CDH4: variants seen among roughly 807,000 people sequenced by gnomAD.
CDH4 encodes the protein cadherin-4.
CDH4 carries 33 observed loss-of-function variants against 86.0 expected under a neutral mutation model. The observed-to-expected ratio is 0.38, with a 90% confidence interval of 0.29 to 0.51. The LOEUF is 0.51. Ranked by LOEUF, CDH4 falls within the 20% of genes least tolerant of loss-of-function variation. The probability of loss-of-function intolerance (pLI) is 0.86; values close to 1 mark genes in which losing one functional copy is unlikely to be tolerated. For synonymous variants in CDH4, 555 were observed against 549.4 expected, an observed-to-expected ratio of 1.01 and a Z score of -0.14; for missense variants, 1,114 against 1,307.4, an observed-to-expected ratio of 0.85 and a Z score of 2.28.
intron 2 of CDH4, among the ~76,000 whole-genome samples, chr20:61,473,030 GA>G (rs2085514533): frequency 6.6e-6 from 1 of 152,130 alleles, no homozygotes; most frequent in Non-Finnish European, 1.5e-5. Flanking sequence ...GAGGGGAGGG[GA>G]TTGAGCCCTG....
In CDH4 at chr20:61,811,021, C is replaced by T. The variant is rs528817140; in HGVS notation, c.577-33647C>T. Among the ~76,000 whole-genome samples, 2 of 152,242 alleles carry T rather than the reference C, an allele frequency of 1.3e-5. No homozygotes were observed. The highest frequency in any genetic ancestry group is 4.8e-5 in the African/African-American group (2 of 41,472). On this transcript the variant is annotated intron_variant, in intron 4 of 15. Transcript: ENST00000614565. This position sits in a 1 kb window ranked among gnomAD's most constrained non-coding sequence, Gnocchi z 4.4. ...TCAGTCAAACGAACTCATGGCTCTT[C>T]ATCCCCTGCAAAACTAATGGCGCGG...
At chr20:61,860,296 G>A (rs1983261217) in intron 6 of CDH4, among the ~76,000 whole-genome samples, 1 of 152,196 alleles carries the variant, frequency 6.6e-6, no homozygotes, top group South Asian at 2.1e-4. Flanking sequence ...GAGCACCGAG[G>A]TCCACGGGGT....
At chr20:61,928,883 C>CAACA (rs2055075067) in intron 12 of CDH4, among the ~76,000 whole-genome samples, 1 of 152,204 alleles carries the variant, frequency 6.6e-6, no homozygotes, top group Non-Finnish European at 1.5e-5. Context: ...CAAACCCCAC[C>CAACA]AACACTGAAC....
rs201803800 is a variant in CDH4, at chr20:61,499,965, C to T, written c.170-243598C>T. On this transcript the variant is annotated intron_variant, in intron 2 of 15. Coordinates refer to ENST00000614565, the MANE Select transcript of CDH4 (RefSeq NM_001794.5). Reference sequence around the variant, plus strand: ...ATGCAAAGCACCCAGGAGGCACGGGCGCAGCTTACATGTCCCTGAGTCATG... The same window carrying T: ...ATGCAAAGCACCCAGGAGGCACGGGTGCAGCTTACATGTCCCTGAGTCATG... 1.3e-4 allele frequency among the ~76,000 whole-genome samples: 20 copies of T among 152,258 alleles called. No individual in the cohort carries two copies. The East Asian group carries it at 2.5e-3, about 19-fold the overall frequency.
At chr20:61,308,184 G>A (rs1057372812) in intron 2 of CDH4, among the ~76,000 whole-genome samples, 3 of 152,224 alleles carry the variant, frequency 2.0e-5, no homozygotes, top group African/African-American at 7.2e-5. Flanking sequence ...CCCCACGTGA[G>A]CCTCTTGGTT....
chr20:61,339,163 A>C (rs2084636133), intron 2 of CDH4, among the ~76,000 whole-genome samples: 1 of 152,234 alleles, frequency 6.6e-6, no homozygotes, highest in African/African-American at 2.4e-5. Context: ...TGATGTTTAA[A>C]AACATCCCCA....
At chr20:61,593,564 A>G (rs2086532877) in intron 2 of CDH4, among the ~76,000 whole-genome samples, 1 of 152,226 alleles carries the variant, frequency 6.6e-6, no homozygotes, top group South Asian at 2.1e-4. Flanking sequence ...CAGCAGTGTC[A>G]CATTGTGATT....
intron 4 of CDH4, among the ~76,000 whole-genome samples, chr20:61,808,431 C>T (rs1348742820): frequency 6.6e-6 from 1 of 152,176 alleles, no homozygotes; most frequent in Non-Finnish European, 1.5e-5. Context: ...GCCCTGCAGT[C>T]GGTGGGGAAA....
chr20:61,400,632 C>T (rs2085044306), intron 2 of CDH4, among the ~76,000 whole-genome samples: 1 of 152,214 alleles, frequency 6.6e-6, no homozygotes, highest in South Asian at 2.1e-4. Context: ...CCATCGGGAA[C>T]ACATAGGCTC....
chr20:61,877,360 A>AC, intron 7 of CDH4, among the ~76,000 whole-genome samples: 1 of 56,186 alleles, frequency 1.8e-5, no homozygotes. Context: ...AGCGGTACCC[A>AC]CCCCCCACCC....
intron 2 of CDH4, among the ~76,000 whole-genome samples, chr20:61,478,685 C>G (rs2085552874): frequency 6.6e-6 from 1 of 152,220 alleles, no homozygotes; most frequent in South Asian, 2.1e-4. Context: ...CGGCGTGTAG[C>G]AGACATAACA....
chr20:61,274,026 C>CAT (rs34358640), intron 2 of CDH4, among the ~76,000 whole-genome samples: 1 of 84,312 alleles, frequency 1.2e-5, no homozygotes. Flanking sequence ...GGGGGAGTAC[C>CAT]GTGTGCAGTT....
intron 2 of CDH4, among the ~76,000 whole-genome samples, chr20:61,311,168 C>T (rs545167991): frequency 2.0e-5 from 3 of 152,148 alleles, no homozygotes; most frequent in African/African-American, 7.2e-5. Context: ...GTGGATCAAA[C>T]GTTTAAAATT....
chr20:61,298,862 T>C (rs2084371302), intron 2 of CDH4, among the ~76,000 whole-genome samples: 1 of 151,830 alleles, frequency 6.6e-6, no homozygotes, highest in Non-Finnish European at 1.5e-5. Flanking sequence ...AGTGTGTCTG[T>C]GTATGCGGTA....
At chr20:61,775,526 G>A (rs2088829522) in intron 4 of CDH4, among the ~76,000 whole-genome samples, 2 of 152,214 alleles carry the variant, frequency 1.3e-5, no homozygotes, top group African/African-American at 4.8e-5. Context: ...CTCAGGCAAT[G>A]TGTCAACTAA....
At chr20:61,928,037 T>C (rs1301047394) in intron 11 of CDH4, among the ~76,000 whole-genome samples, 153 bp from the exon 12 acceptor site, 1 of 152,182 alleles carries the variant, frequency 6.6e-6, no homozygotes, top group Non-Finnish European at 1.5e-5. Context: ...GCAGCTGTGT[T>C]GGGAGATGGC....
At chr20:61,602,817 C>T (rs1195557407) in intron 2 of CDH4, among the ~76,000 whole-genome samples, 2 of 151,850 alleles carry the variant, frequency 1.3e-5, no homozygotes, top group Non-Finnish European at 2.9e-5. Context: ...TGAGCGCACA[C>T]AGAGGAGCTG....
intron 3 of CDH4, among the ~76,000 whole-genome samples, chr20:61,755,540 C>T (rs909732484): frequency 6.9e-5 from 10 of 144,944 alleles, no homozygotes; most frequent in Admixed American, 6.8e-4. Flanking sequence ...ACCATATACA[C>T]AGTGCATGCT....
chr20:61,397,658 G>T (rs1266219037), intron 2 of CDH4, among the ~76,000 whole-genome samples: 1 of 150,250 alleles, frequency 6.7e-6, no homozygotes, highest in African/African-American at 2.4e-5. Flanking sequence ...AATGGTAATA[G>T]ATATAAATGT....
Sources: allele counts gnomAD v4.1 joint callset (sites outside exome capture counted in the v4.1 genomes callset), GRCh38; gene constraint gnomAD v4.1.1; non-coding constraint Gnocchi (gnomAD v3.1); transcripts MANE v1.5; gene names NCBI Gene and HGNC (gene_info 2026-07-23, HGNC 2026-07-21).